Variants in MYO5B observed in about 807,000 individuals in gnomAD.
MYO5B encodes the protein myosin VB.
MYO5B carries 143 observed loss-of-function variants against 229.3 expected under a neutral mutation model. The ratio of observed to expected loss-of-function variants is 0.62; its 90% confidence interval spans 0.54 to 0.72. The LOEUF (loss-of-function observed/expected upper bound fraction) is 0.72, where lower values mean the gene tolerates loss of function less well. MYO5B is among the 30% of genes least tolerant of loss of function. MYO5B has a pLI of 0.00. For synonymous variants in MYO5B, 918 were observed against 885.2 expected, an observed-to-expected ratio of 1.04 and a Z score of -0.66; for missense variants, 2,321 against 2,331.0, an observed-to-expected ratio of 1.00 and a Z score of 0.09.
At chr18:49,869,692 G>C (rs559786701) in intron 27 of MYO5B, among the ~76,000 whole-genome samples, 97 of 152,294 alleles carry the variant, frequency 6.4e-4, no homozygotes, top group African/African-American at 2.2e-3. Context: ...GAGTCCGGGA[G>C]GCAGTTTCAT....
chr18:50,027,175 T>G (rs2026340169), intron 4 of MYO5B, among the ~76,000 whole-genome samples: 1 of 152,226 alleles, frequency 6.6e-6, no homozygotes. Context: ...TCTATTAGCT[T>G]TTTTTAAATG....
chr18:50,001,193 C>T, intron 5 of MYO5B, 62 bp downstream of exon 5: 1 of 1,606,232 alleles, frequency 6.2e-7, no homozygotes, highest in Non-Finnish European at 8.5e-7. Flanking sequence ...TGACGCCCAG[C>T]AGTCTTGCTG....
chr18:50,168,314 T>C (rs1359338352), intron 1 of MYO5B, among the ~76,000 whole-genome samples: 1 of 152,184 alleles, frequency 6.6e-6, no homozygotes, highest in African/African-American at 2.4e-5. Context: ...TCTGGCAACA[T>C]GGTGATTTAC....
chr18:49,853,773 G>C (rs937184799), intron 30 of MYO5B, 126 bp from the exon 31 acceptor site: 7 of 845,076 alleles, frequency 8.3e-6, no homozygotes, highest in Non-Finnish European at 1.3e-5. Flanking sequence ...ATCCCCCAGA[G>C]GGATGAATGC....
intron 6 of MYO5B, among the ~76,000 whole-genome samples, 164 bp from the exon 7 acceptor site, chr18:49,990,684 TC>T (rs2025921999): frequency 1.3e-5 from 2 of 152,200 alleles, no homozygotes; most frequent in South Asian, 4.1e-4. Context: ...TTTCCGACTT[TC>T]TATTCACTCT....
chr18:50,142,391 C>A (rs997394315), intron 1 of MYO5B, among the ~76,000 whole-genome samples: 2 of 152,156 alleles, frequency 1.3e-5, no homozygotes, highest in Non-Finnish European at 2.9e-5. Flanking sequence ...TAAGGAAGTG[C>A]AATTCTACCA....
At chr18:50,157,706 C>T (rs546495748) in intron 1 of MYO5B, among the ~76,000 whole-genome samples, 2 of 152,140 alleles carry the variant, frequency 1.3e-5, no homozygotes, top group East Asian at 1.9e-4. Flanking sequence ...AGTCTTGCAC[C>T]ATCCTGTTCA....
At chr18:50,127,406 A>T (rs1273595287) in intron 1 of MYO5B, among the ~76,000 whole-genome samples, 1 of 152,200 alleles carries the variant, frequency 6.6e-6, no homozygotes, top group Non-Finnish European at 1.5e-5. Context: ...ACAAGCTTTT[A>T]CTGAGCACCT....
Position 49,964,424 on chromosome 18 carries a change from G to T in MYO5B, c.1323-1394C>A, listed in dbSNP as rs144536658. On this transcript the variant is annotated intron_variant, in intron 10 of 39. Coordinates refer to ENST00000285039, the MANE Select transcript of MYO5B (RefSeq NM_001080467.3). ...ATTTTTGATAGAGAATTTTTATATC[G>T]AGATGTTCTGTGAATATGCAAACAC... Among the ~76,000 whole-genome samples, 171 of 151,722 alleles carry T rather than the reference G, an allele frequency of 1.1e-3. 1 individual carries two copies. The highest frequency in any genetic ancestry group is 3.8e-3 in the African/African-American group (159 of 41,328).
chr18:50,002,682 G>C (rs553393027), intron 4 of MYO5B, among the ~76,000 whole-genome samples: 25 of 152,308 alleles, frequency 1.6e-4, no homozygotes, highest in Admixed American at 1.2e-3. Flanking sequence ...TGTCAAGAGG[G>C]CAGGCACTCT....
intron 1 of MYO5B, among the ~76,000 whole-genome samples, chr18:50,099,776 T>C (rs933409789): frequency 2.0e-5 from 3 of 152,224 alleles, no homozygotes; most frequent in Admixed American, 6.5e-5. Flanking sequence ...CGGTATCTTG[T>C]ACTTATGTTC....
intron 18 of MYO5B, among the ~76,000 whole-genome samples, chr18:49,910,030 C>G (rs778514328): frequency 1.3e-5 from 2 of 152,178 alleles, no homozygotes; most frequent in Non-Finnish European, 2.9e-5. Flanking sequence ...GCTATGGGCT[C>G]TAAGAGTGAC....
intron 30 of MYO5B, 119 bp downstream of exon 30, chr18:49,856,694 G>T: frequency 1.2e-6 from 1 of 833,378 alleles, no homozygotes; most frequent in Non-Finnish European, 2.1e-6. Context: ...CTACCAGCCA[G>T]ACTGCATGCC....
intron 4 of MYO5B, among the ~76,000 whole-genome samples, chr18:50,004,963 C>A (rs541219715): frequency 6.6e-6 from 1 of 152,182 alleles, no homozygotes; most frequent in Non-Finnish European, 1.5e-5. Context: ...TGACTTTGGA[C>A]AAAGTAGTTA....
chr18:50,109,485 G>A (rs1447725063), intron 1 of MYO5B, among the ~76,000 whole-genome samples: 1 of 151,680 alleles, frequency 6.6e-6, no homozygotes, highest in Non-Finnish European at 1.5e-5. Flanking sequence ...GAGTGCAGTG[G>A]CGTGATCTCA....
chr18:49,863,035 G>C (rs1055772476), intron 29 of MYO5B, among the ~76,000 whole-genome samples, 192 bp downstream of exon 29: 2 of 152,110 alleles, frequency 1.3e-5, no homozygotes, highest in African/African-American at 2.4e-5. Context: ...TAGATGCTGA[G>C]AGCGTGTTGC....
intron 5 of MYO5B, among the ~76,000 whole-genome samples, chr18:49,999,334 T>C (rs1028052029): frequency 1.3e-5 from 2 of 152,256 alleles, no homozygotes; most frequent in African/African-American, 2.4e-5. Flanking sequence ...CTGTTCAATA[T>C]AGGCATAGTA....
At chr18:50,166,115 T>C (rs957650022) in intron 1 of MYO5B, among the ~76,000 whole-genome samples, 1 of 152,302 alleles carries the variant, frequency 6.6e-6, no homozygotes, top group African/African-American at 2.4e-5. Context: ...TCCAGCACCA[T>C]TGAGCAGGCG....
At chr18:49,933,598 T>A (rs1444961796) in intron 16 of MYO5B, among the ~76,000 whole-genome samples, 1 of 152,208 alleles carries the variant, frequency 6.6e-6, no homozygotes, top group Non-Finnish European at 1.5e-5. Flanking sequence ...TCTAAAAACA[T>A]TTTTAGCTGT....
Sources: allele counts gnomAD v4.1 joint callset (sites outside exome capture counted in the v4.1 genomes callset), GRCh38; gene constraint gnomAD v4.1.1; transcripts MANE v1.5; gene names NCBI Gene and HGNC (gene_info 2026-07-23, HGNC 2026-07-21).